Variants in MMP16 observed in about 807,000 individuals in gnomAD.
MMP16 encodes the protein matrix metalloproteinase-16.
In MMP16, 12 loss-of-function variants were observed where a neutral mutation model predicts 67.8. The ratio of observed to expected loss-of-function variants is 0.18; its 90% CI spans 0.11 to 0.29. MMP16 has a LOEUF of 0.29. Ranked by LOEUF, MMP16 falls within the 10% of genes least tolerant of loss-of-function variation. The pLI is 1.00. For missense variants in MMP16, 475 were observed against 765.7 expected, an observed-to-expected ratio of 0.62 and a Z score of 4.48; for synonymous variants, 249 against 255.9, an observed-to-expected ratio of 0.97 and a Z score of 0.26.
intron 1 of MMP16, among the ~76,000 whole-genome samples, chr8:88,262,744 T>C (rs553218356): frequency 6.7e-6 from 1 of 149,108 alleles, no homozygotes; most frequent in Non-Finnish European, 1.5e-5. Context: ...GGCTCAAGCC[T>C]GTAATCCCAG....
intron 8 of MMP16, among the ~76,000 whole-genome samples, chr8:88,050,142 C>T (rs559447318): frequency 1.6e-4 from 25 of 152,168 alleles, no homozygotes; most frequent in Non-Finnish European, 2.8e-4. Flanking sequence ...GCCAACATGG[C>T]GAAACTCCGT....
intron 1 of MMP16, among the ~76,000 whole-genome samples, chr8:88,285,080 G>A (rs1047814382): frequency 2.0e-5 from 3 of 151,920 alleles, no homozygotes; most frequent in Non-Finnish European, 4.4e-5. Flanking sequence ...CCATCTTCCT[G>A]ACATACTATA....
intron 6 of MMP16, among the ~76,000 whole-genome samples, chr8:88,091,296 T>G (rs966629418): frequency 4.0e-5 from 6 of 151,860 alleles, no homozygotes; most frequent in African/African-American, 1.4e-4. Context: ...TCCCTGCAGA[T>G]TTTTTCTTCC....
chr8:88,070,596 T>C (rs1250831637), intron 7 of MMP16, among the ~76,000 whole-genome samples: 2 of 152,072 alleles, frequency 1.3e-5, no homozygotes. Context: ...CTCTCCTCTA[T>C]GTTACTTTCT....
intron 3 of MMP16, among the ~76,000 whole-genome samples, chr8:88,182,376 T>A (rs1007225607): frequency 6.6e-6 from 1 of 152,040 alleles, no homozygotes; most frequent in African/African-American, 2.4e-5. Flanking sequence ...AATAAGCATA[T>A]GAAAAGTTGC....
intron 2 of MMP16, among the ~76,000 whole-genome samples, chr8:88,188,268 T>A (rs1215844266): frequency 6.6e-6 from 1 of 152,210 alleles, no homozygotes; most frequent in Non-Finnish European, 1.5e-5. Context: ...TATATATGGG[T>A]ATTAATTATA....
intron 6 of MMP16, among the ~76,000 whole-genome samples, chr8:88,104,499 G>A (rs1044757443): frequency 1.3e-5 from 2 of 151,572 alleles, no homozygotes; most frequent in African/African-American, 2.4e-5. Flanking sequence ...CCATCATAAC[G>A]TCATAGTGCA....
At chr8:88,265,503 T>C (rs1223234939) in intron 1 of MMP16, among the ~76,000 whole-genome samples, 1 of 152,162 alleles carries the variant, frequency 6.6e-6, no homozygotes, top group Non-Finnish European at 1.5e-5. Flanking sequence ...AATGAAGCTG[T>C]AAGTACTATG....
intron 9 of MMP16, among the ~76,000 whole-genome samples, chr8:88,043,575 T>C (rs1808160994): frequency 6.6e-6 from 1 of 152,160 alleles, no homozygotes; most frequent in African/African-American, 2.4e-5. Context: ...GTGTGATAGA[T>C]AGGTATCATT....
intron 3 of MMP16, among the ~76,000 whole-genome samples, chr8:88,168,398 C>T (rs571255854): frequency 6.6e-6 from 1 of 152,244 alleles, no homozygotes; most frequent in African/African-American, 2.4e-5. Context: ...TGTCTTTATG[C>T]TCTTCTTGAT....
chr8:88,234,049 G>A (rs776276217), intron 1 of MMP16, among the ~76,000 whole-genome samples: 1 of 152,080 alleles, frequency 6.6e-6, no homozygotes, highest in African/African-American at 2.4e-5. Flanking sequence ...TTCAAAAAAA[G>A]AACCTAGCAA....
chr8:88,127,854 T>C (rs536742977), intron 4 of MMP16, among the ~76,000 whole-genome samples: 6 of 152,056 alleles, frequency 3.9e-5, no homozygotes, highest in Admixed American at 3.3e-4. Flanking sequence ...AGTTCCCATA[T>C]GCATTCTGCT....
chr8:88,265,972 A>C (rs1180471155), intron 1 of MMP16, among the ~76,000 whole-genome samples: 1 of 152,168 alleles, frequency 6.6e-6, no homozygotes. Flanking sequence ...ATTATTCTTT[A>C]CTTCTTAGAA....
chr8:88,163,030 A>G (rs1808656014), intron 4 of MMP16, among the ~76,000 whole-genome samples: 1 of 152,110 alleles, frequency 6.6e-6, no homozygotes, highest in Non-Finnish European at 1.5e-5. Context: ...GCCTCTAAGA[A>G]ACATTATATA....
At chr8:88,287,657 T>C (rs962909554) in intron 1 of MMP16, among the ~76,000 whole-genome samples, 1 of 152,198 alleles carries the variant, frequency 6.6e-6, no homozygotes, top group African/African-American at 2.4e-5. Context: ...GGATGAGTTG[T>C]AGGGGCCTAA....
At chr8:88,160,870 A>T (rs1451682316) in intron 4 of MMP16, among the ~76,000 whole-genome samples, 2 of 152,182 alleles carry the variant, frequency 1.3e-5, no homozygotes, top group Admixed American at 6.6e-5. Context: ...TGTATGTTGA[A>T]CCAGCCTCGC....
chr8:88,121,423 A>G (rs1268673218), intron 4 of MMP16, among the ~76,000 whole-genome samples: 1 of 151,994 alleles, frequency 6.6e-6, no homozygotes, highest in Non-Finnish European at 1.5e-5. Flanking sequence ...CAGCTTCACA[A>G]TAGTTTAAAA....
intron 1 of MMP16, among the ~76,000 whole-genome samples, chr8:88,226,984 A>G (rs1003652859): frequency 2.6e-5 from 4 of 152,006 alleles, no homozygotes; most frequent in Non-Finnish European, 5.9e-5. Context: ...TATCTAGTTC[A>G]CTCTGGATAT....
chr8:88,310,888 G>C (rs895459591), intron 1 of MMP16, among the ~76,000 whole-genome samples: 1 of 152,072 alleles, frequency 6.6e-6, no homozygotes, highest in Non-Finnish European at 1.5e-5. Flanking sequence ...AAAGGCACAA[G>C]GAAAAGAAGG....
Sources: allele counts gnomAD v4.1 joint callset (sites outside exome capture counted in the v4.1 genomes callset), GRCh38; gene constraint gnomAD v4.1.1; transcripts MANE v1.5; gene names NCBI Gene and HGNC (gene_info 2026-07-23, HGNC 2026-07-21).